The following GRM8 variants were observed in gnomAD, a reference collection of about 807,000 sequenced individuals.
The protein encoded by GRM8 is metabotropic glutamate receptor 8.
In GRM8, 47 loss-of-function variants were observed where a neutral mutation model predicts 87.2. The observed-to-expected ratio is 0.54, with a 90% CI of 0.43 to 0.69. GRM8 has a LOEUF of 0.69. Among genes scored for constraint, GRM8 ranks in the 30% least tolerant of loss-of-function variants. The probability of loss-of-function intolerance (pLI) is 0.00; values close to 1 mark genes in which losing one functional copy is unlikely to be tolerated. For missense variants in GRM8, 1,019 were observed against 1,139.2 expected (o/e 0.89, Z 1.52); for synonymous variants, 396 against 404.5 (o/e 0.98, Z 0.25).
chr7:126,606,698 A>G (rs1029960424), intron 8 of GRM8, among the ~76,000 whole-genome samples: 2 of 152,228 alleles, frequency 1.3e-5, no homozygotes, highest in Non-Finnish European at 2.9e-5. Context: ...CCATTTCGGT[A>G]AAACCCGCAA....
intron 3 of GRM8, among the ~76,000 whole-genome samples, chr7:127,077,511 G>A (rs559134078): frequency 1.6e-4 from 24 of 152,242 alleles, no homozygotes; most frequent in African/African-American, 5.1e-4. Context: ...GGGTGAAGGT[G>A]ACATTCTCTG....
chr7:127,103,732 T>C (rs1825549060), intron 3 of GRM8, among the ~76,000 whole-genome samples: 1 of 152,226 alleles, frequency 6.6e-6, no homozygotes. Context: ...AAAACTGTGC[T>C]ATTTGCTGAT....
At chr7:126,498,951 T>C (rs1228085991) in intron 9 of GRM8, among the ~76,000 whole-genome samples, 2 of 152,004 alleles carry the variant, frequency 1.3e-5, no homozygotes, top group East Asian at 3.9e-4. Context: ...TAAAATAAAA[T>C]ATCATGACAA....
At chr7:127,084,799 G>A (rs950797630) in intron 3 of GRM8, 2 of 152,192 alleles carry the variant, frequency 1.3e-5, no homozygotes, top group African/African-American at 4.8e-5. Flanking sequence ...GCTGGTGGAA[G>A]GAAAGACCAC....
chr7:126,456,369 G>A (rs1432339565), intron 9 of GRM8, among the ~76,000 whole-genome samples: 1 of 151,238 alleles, frequency 6.6e-6, no homozygotes, highest in Non-Finnish European at 1.5e-5. Context: ...ATGGGACTAG[G>A]GAGATAAAAT....
intron 3 of GRM8, chr7:127,080,929 C>G (rs1402363853): frequency 3.9e-5 from 6 of 152,166 alleles, no homozygotes; most frequent in Non-Finnish European, 7.3e-5. Flanking sequence ...TGGGATGGCT[C>G]TTTCCTGCTT....
intron 6 of GRM8, among the ~76,000 whole-genome samples, chr7:126,786,548 C>G (rs527317074): frequency 6.6e-6 from 1 of 152,130 alleles, no homozygotes; most frequent in Non-Finnish European, 1.5e-5. Context: ...TCTATCCCAA[C>G]CTTCTATGTC....
intron 9 of GRM8, among the ~76,000 whole-genome samples, chr7:126,523,432 A>C (rs2150804044): frequency 6.6e-6 from 1 of 152,244 alleles, no homozygotes; most frequent in East Asian, 1.9e-4. Context: ...CTACTCACAG[A>C]AAAAGATGAG....
At chr7:127,201,573 C>CA (rs1289489558) in intron 2 of GRM8, among the ~76,000 whole-genome samples, 1 of 152,210 alleles carries the variant, frequency 6.6e-6, no homozygotes, top group Non-Finnish European at 1.5e-5. Flanking sequence ...GGCCACTTAA[C>CA]ATGACACATA....
intron 2 of GRM8, among the ~76,000 whole-genome samples, chr7:127,233,228 G>A (rs1282865422): frequency 3.3e-5 from 5 of 152,136 alleles, no homozygotes; most frequent in Non-Finnish European, 5.9e-5. Context: ...GTTTGAACTC[G>A]GGCAGTCTGA....
At chr7:126,756,434 T>C (rs1265802784) in intron 7 of GRM8, among the ~76,000 whole-genome samples, 1 of 151,954 alleles carries the variant, frequency 6.6e-6, no homozygotes, top group Non-Finnish European at 1.5e-5. Flanking sequence ...TTCATTAAAA[T>C]GAAAAACTTC....
At chr7:126,786,099 T>G (rs1820597718) in intron 6 of GRM8, among the ~76,000 whole-genome samples, 1 of 152,160 alleles carries the variant, frequency 6.6e-6, no homozygotes, top group Non-Finnish European at 1.5e-5. Flanking sequence ...CAACCTCTTT[T>G]GCTTTCACTG....
chr7:127,149,007 G>A (rs1264994087), intron 2 of GRM8, among the ~76,000 whole-genome samples: 2 of 152,010 alleles, frequency 1.3e-5, no homozygotes, highest in Admixed American at 1.3e-4. Flanking sequence ...AACAGCTCAT[G>A]GACATTGGCC....
rs576325387 is a variant in GRM8, at chr7:126,685,097, C to T, written c.1358-75599G>A. On this transcript the variant is annotated intron_variant, in intron 7 of 10. Coordinates refer to ENST00000339582, the MANE Select transcript of GRM8 (RefSeq NM_000845.3). This position sits in a 1 kb window ranked among gnomAD's most constrained non-coding sequence, Gnocchi z 4.2. ...TGCACTGCCCCCACCTTCACGCAGC[C>T]GGGCAGTACCCACTCCAGGCCCCGG... Among the ~76,000 whole-genome samples, 4 of 152,300 alleles carry T rather than the reference C, an allele frequency of 2.6e-5. No individual in the cohort carries two copies. Among genetic ancestry groups the T allele is most frequent in the South Asian group, 2.1e-4 (1 of 4,828 alleles).
rs1201200674 is a variant in GRM8, at chr7:126,780,390, G to A, written c.1157-10325C>T. Among the ~76,000 whole-genome samples the A allele has an allele frequency of 2.0e-5, 3 of 152,082 alleles. No homozygotes were observed. The East Asian group carries it at 5.8e-4, about 29-fold the overall frequency. On this transcript the variant is annotated intron_variant, in intron 6 of 10. Coordinates refer to ENST00000339582, the MANE Select transcript of GRM8 (RefSeq NM_000845.3). ...TTAAATGAGTTAGTATATACATTAG[G>A]CAGTCAGAAGAGTGTTGAAAAGAAT...
chr7:127,078,439 T>C (rs556880201), intron 3 of GRM8, among the ~76,000 whole-genome samples: 36 of 152,352 alleles, frequency 2.4e-4, no homozygotes, highest in African/African-American at 8.7e-4. Context: ...TCAGAGCAGC[T>C]CCTCCAATCT....
chr7:127,138,220 T>A (rs1312932844), intron 2 of GRM8, among the ~76,000 whole-genome samples: 1 of 152,176 alleles, frequency 6.6e-6, no homozygotes, highest in Non-Finnish European at 1.5e-5. Flanking sequence ...GAAAATCATG[T>A]AATCGAATCC....
chr7:127,076,096 G>A (rs1822228295), intron 3 of GRM8: 2 of 450,252 alleles, frequency 4.4e-6, no homozygotes, highest in African/African-American at 4.0e-5. Context: ...TGAGAAAGGT[G>A]GTCAGTAGAG....
At chr7:127,078,073 A>G (rs1401439931) in intron 3 of GRM8, among the ~76,000 whole-genome samples, 1 of 152,238 alleles carries the variant, frequency 6.6e-6, no homozygotes, top group Non-Finnish European at 1.5e-5. Flanking sequence ...ACCCTGATCT[A>G]TAGTGACTTG....
Sources: gnomAD v4.1 joint callset for allele counts (sites outside exome capture counted in the v4.1 genomes callset) on GRCh38, gnomAD v4.1.1 for gene constraint, Gnocchi (gnomAD v3.1) non-coding constraint, MANE v1.5 for transcripts, NCBI Gene and HGNC (gene_info 2026-07-23, HGNC 2026-07-21) for gene names.